The following GAS2 variants were observed in gnomAD, a reference collection of about 807,000 sequenced individuals.
GAS2 encodes the protein growth arrest-specific protein 2.
Under a neutral mutation model 37.5 loss-of-function variants are expected in GAS2, and 20 were observed. The observed-to-expected ratio is 0.53, with a 90% CI of 0.37 to 0.77. The LOEUF (loss-of-function observed/expected upper bound fraction) is 0.77. Ranked by LOEUF, GAS2 falls within the 30% of genes least tolerant of loss-of-function variation. The pLI, the probability that GAS2 is intolerant of heterozygous loss-of-function variation, is 0.00. For missense variants in GAS2, 336 were observed against 373.4 expected (o/e 0.90, Z 0.82); for synonymous variants, 144 against 132.2 (o/e 1.09, Z -0.61).
At chr11:22,659,680 T>C (rs1477894557) in intron 1 of GAS2, among the ~76,000 whole-genome samples, 1 of 151,352 alleles carries the variant, frequency 6.6e-6, no homozygotes, top group African/African-American at 2.4e-5. Flanking sequence ...CTTATTTCTT[T>C]TCAAAAATGA....
chr11:22,806,933 C>T (rs980071650), intron 7 of GAS2, among the ~76,000 whole-genome samples: 18 of 152,116 alleles, frequency 1.2e-4, no homozygotes, highest in Non-Finnish European at 2.2e-4. Flanking sequence ...AATATGAAAT[C>T]AATATTCTTC....
chr11:22,807,314 A>G (rs748112980), intron 7 of GAS2, among the ~76,000 whole-genome samples: 5 of 152,240 alleles, frequency 3.3e-5, no homozygotes, highest in African/African-American at 4.8e-5. Flanking sequence ...AAGAGAAAGA[A>G]ACCTCTGATA....
chr11:22,647,607 T>C (rs1399682258), intron 1 of GAS2, among the ~76,000 whole-genome samples: 2 of 152,218 alleles, frequency 1.3e-5, no homozygotes, highest in South Asian at 2.1e-4. Context: ...TTTTTAATGA[T>C]TGCCATTCTA....
chr11:22,802,265 G>A (rs1048957918), intron 7 of GAS2, among the ~76,000 whole-genome samples: 29 of 151,882 alleles, frequency 1.9e-4, no homozygotes, highest in African/African-American at 5.8e-4. Flanking sequence ...CAATGAGAAC[G>A]CTTGGACACA....
At chr11:22,805,766 G>T (rs1856854559) in intron 7 of GAS2, among the ~76,000 whole-genome samples, 1 of 152,130 alleles carries the variant, frequency 6.6e-6, no homozygotes, top group African/African-American at 2.4e-5. Context: ...AGTGCTGTTG[G>T]TTGCCCATAT....
At chr11:22,704,787 G>T (rs910501912) in intron 3 of GAS2, among the ~76,000 whole-genome samples, 1 of 151,538 alleles carries the variant, frequency 6.6e-6, no homozygotes, top group Middle Eastern at 3.2e-3. Flanking sequence ...ACACAGGAGA[G>T]ATTAATCTTT....
At chr11:22,638,885 T>A (rs1032536454) in intron 1 of GAS2, among the ~76,000 whole-genome samples, 1 of 152,074 alleles carries the variant, frequency 6.6e-6, no homozygotes, top group Non-Finnish European at 1.5e-5. Flanking sequence ...AGAAATCTAC[T>A]TTTTGGGAAA....
intron 7 of GAS2, among the ~76,000 whole-genome samples, chr11:22,786,910 T>C (rs2058371): frequency 0.37 from 56,491 of 151,952 alleles, 10,637 homozygotes; most frequent in Non-Finnish European, 0.38. Context: ...TTCTGAACAA[T>C]GCATATTAGA....
chr11:22,643,152 A>G (rs190452929), intron 1 of GAS2, among the ~76,000 whole-genome samples: 1 of 152,194 alleles, frequency 6.6e-6, no homozygotes, highest in Admixed American at 6.6e-5. Context: ...GGCTGGTTTT[A>G]TTAATTCATG....
chr11:22,649,051 G>T (rs1015756301), intron 1 of GAS2, among the ~76,000 whole-genome samples: 2 of 152,190 alleles, frequency 1.3e-5, no homozygotes, highest in African/African-American at 4.8e-5. Flanking sequence ...TTGGCTGTGG[G>T]TTTGTCACAG....
chr11:22,696,206 C>T (rs1228396391), intron 3 of GAS2, among the ~76,000 whole-genome samples: 1 of 149,644 alleles, frequency 6.7e-6, no homozygotes, highest in Admixed American at 6.8e-5. Flanking sequence ...GGTTTTTTGT[C>T]CTTGCGATAG....
intron 7 of GAS2, among the ~76,000 whole-genome samples, chr11:22,768,634 C>T (rs957003868): frequency 6.6e-6 from 1 of 152,216 alleles, no homozygotes; most frequent in Admixed American, 6.5e-5. Context: ...GCTTTCTGAC[C>T]TTTTGTTGTT....
intron 1 of GAS2, among the ~76,000 whole-genome samples, chr11:22,674,216 T>A (rs1248749330): frequency 0.013 from 4 of 300 alleles, no homozygotes; most frequent in Admixed American, 0.042. Context: ...TATTTTTTTA[T>A]TTTTTTTTTT....
intron 1 of GAS2, among the ~76,000 whole-genome samples, chr11:22,645,329 G>A (rs866755025): frequency 3.3e-5 from 5 of 152,074 alleles, no homozygotes; most frequent in Non-Finnish European, 5.9e-5. Flanking sequence ...TCAACATGGT[G>A]AAACCCTGTC....
At chr11:22,653,981 G>T (rs915310542) in intron 1 of GAS2, among the ~76,000 whole-genome samples, 2 of 152,164 alleles carry the variant, frequency 1.3e-5, no homozygotes, top group African/African-American at 4.8e-5. Flanking sequence ...AGAAGGCTCA[G>T]TCATCCCACA....
chr11:22,728,307 G>A (rs1852307634), intron 4 of GAS2, among the ~76,000 whole-genome samples: 1 of 151,838 alleles, frequency 6.6e-6, no homozygotes, highest in South Asian at 2.1e-4. Flanking sequence ...TATAGGTGAA[G>A]GTTCTAATGT....
chr11:22,627,132 G>T (rs1858672402), intron 1 of GAS2, among the ~76,000 whole-genome samples: 1 of 152,082 alleles, frequency 6.6e-6, no homozygotes, highest in African/African-American at 2.4e-5. Context: ...CTCTTACTTG[G>T]TCCTGAAATC....
chr11:22,790,364 A>C lies in GAS2; in HGVS notation c.724-21434A>C, dbSNP rs540047262. Among the ~76,000 whole-genome samples, 354 of 152,310 alleles carry C rather than the reference A, an allele frequency of 2.3e-3. 2 individuals carry two copies. Among genetic ancestry groups the C allele is most frequent in the Non-Finnish European group, 2.0e-3 (133 of 68,028 alleles). On this transcript the variant is annotated intron_variant, in intron 7 of 7. Transcript: ENST00000454584. ...ACCCTAAAACTTAAAGTATAATAAA[A>C]AAAATAGTGAACTACTCAGTGCTGT...
intron 4 of GAS2, 45 bp from the exon 5 acceptor site, chr11:22,737,660 T>A: frequency 3.8e-6 from 6 of 1,584,736 alleles, no homozygotes; most frequent in Non-Finnish European, 5.2e-6. Context: ...TTGAGCTGCT[T>A]ATTCCTTCTA....
Sources: allele counts gnomAD v4.1 joint callset (sites outside exome capture counted in the v4.1 genomes callset), GRCh38; gene constraint gnomAD v4.1.1; transcripts MANE v1.5; gene names NCBI Gene and HGNC (gene_info 2026-07-23, HGNC 2026-07-21).